The following RAB26 variants were observed in gnomAD, a reference collection of about 807,000 sequenced individuals.
RAB26 encodes ras-related protein Rab-26.
Under a neutral mutation model 33.1 loss-of-function variants are expected in RAB26, and 39 were observed. The observed-to-expected ratio is 1.18, with a 90% confidence interval of 0.91 to 1.54. The LOEUF (loss-of-function observed/expected upper bound fraction) is 1.54, where lower values mean the gene tolerates loss of function less well. Ranked by LOEUF, RAB26 falls within the 40% of genes most tolerant of loss-of-function variation. The pLI, the probability that RAB26 is intolerant of heterozygous loss-of-function variation, is 0.00. For missense variants in RAB26, 468 were observed against 362.9 expected (o/e 1.29, Z -2.35); for synonymous variants, 192 against 151.9 (o/e 1.26, Z -1.94).
At position 2,151,181 on chromosome 16, in the gene RAB26, C is replaced by G. The variant is rs1567239532; in HGVS notation, c.307-388C>G. 5 of 472,582 alleles carry G rather than the reference C, an allele frequency of 1.1e-5. No homozygotes were observed. In the Admixed American group the frequency reaches 1.2e-4, roughly 11 times the overall value. 29.3% of individuals were successfully genotyped at this position (472,582 alleles called of 1,614,324 possible). ...GGAGTGCAGTGGTGATCATGGTGGA[C>G]TGCAACCTCCAACTTCTGGGTTCAA... On this transcript the variant is annotated intron_variant, in intron 2 of 8. Coordinates refer to ENST00000210187, the MANE Select transcript of RAB26 (RefSeq NM_014353.5).
At chr16:2,153,249 C>T in intron 8 of RAB26, 27 bp downstream of exon 8, 2 of 1,613,514 alleles carry the variant, frequency 1.2e-6, no homozygotes, top group Non-Finnish European at 1.7e-6. Context: ...ACCAGGACTC[C>T]CCCAGCCCAG....
intron 2 of RAB26, among the ~76,000 whole-genome samples, chr16:2,150,936 C>T (rs957276887): frequency 1.2e-4 from 19 of 152,200 alleles, no homozygotes; most frequent in Non-Finnish European, 2.2e-4. Flanking sequence ...TGAAGCCCCC[C>T]GCCCCCACCC....
rs998278005 is a variant in RAB26 at position 2,148,659 on chromosome 16, G to A, written c.-125G>A. On this transcript the variant is annotated 5_prime_UTR_variant, in exon 1 of 9. Coordinates refer to ENST00000210187, the MANE Select transcript of RAB26 (RefSeq NM_014353.5). ...GGGCGCCCGGGATGATGCCGCCGCC[G>A]CCGCCGCCGCCGCCGCCGCCGCCAG... 2.3e-6 allele frequency: 2 copies of A among 855,230 alleles called. No individual in the cohort carries two copies. Among genetic ancestry groups the A allele is most frequent in the African/African-American group, 1.9e-5 (1 of 53,766 alleles). The allele number at this position is 855,230 out of a possible 1,614,324, so 53.0% of individuals were successfully genotyped here. A position where few individuals can be genotyped will look rare whatever the true frequency, so the allele number is the denominator to read the frequency against.
chr16:2,148,621 CG>C, upstream of RAB26: 1 of 304,664 alleles, frequency 3.3e-6, no homozygotes, highest in Non-Finnish European at 4.7e-6. Context: ...GCGGCGGGGG[CG>C]GGGCGCGAGC....
rs756125935 is a variant in RAB26, at chr16:2,149,303, CTTTTT to C, written c.195+343_195+347del. Among the ~76,000 whole-genome samples the C allele has an allele frequency of 9.1e-4, 106 of 116,022 alleles. 1 individual carries two copies. Among genetic ancestry groups the C allele is most frequent in the African/African-American group, 3.5e-3 (96 of 27,090 alleles). The allele number at this position is 116,022 out of a possible 152,430, so 76.1% of individuals were successfully genotyped here. A position where few individuals can be genotyped will look rare whatever the true frequency, so the allele number is the denominator to read the frequency against. On this transcript the variant is annotated intron_variant, in intron 1 of 8. Transcript: ENST00000210187. ...CTCCCTCAACCCAGCGGCTGTGGGC[CTTTTT>C]TTTTTTTTTTTTTTTTTGCTGGGGG...
intron 8 of RAB26, 25 bp downstream of exon 8, chr16:2,153,247 T>TCC: frequency 6.2e-7 from 1 of 1,613,520 alleles, no homozygotes; most frequent in Non-Finnish European, 8.5e-7. Flanking sequence ...TCACCAGGAC[T>TCC]CCCCCAGCCC....
At chr16:2,149,629 C>T (rs2092998102) in intron 1 of RAB26, among the ~76,000 whole-genome samples, 3 of 152,150 alleles carry the variant, frequency 2.0e-5, no homozygotes, top group Non-Finnish European at 1.5e-5. Context: ...TAGGAGGTAC[C>T]CAGCTGCCAC....
Position 2,153,576 on chromosome 16 carries a change from A to T in RAB26, c.*155A>T. 1.4e-6 allele frequency: 1 copy of T among 701,554 alleles called. No individual in the cohort carries two copies. 43.5% of individuals were successfully genotyped at this position (701,554 alleles called of 1,614,324 possible). On this transcript the variant is annotated 3_prime_UTR_variant, in exon 9 of 9. Coordinates refer to ENST00000210187, the MANE Select transcript of RAB26 (RefSeq NM_014353.5). ...TCAAGCCTTGTCCCTTCCTCCTCCC[A>T]GCAACAGTCCCAACAAGCAGGCTTC...
Position 2,148,682 on chromosome 16 carries a change from C to T in RAB26, c.-102C>T, listed in dbSNP as rs557441841. 1 of 1,095,404 alleles carries T rather than the reference C, an allele frequency of 9.1e-7. No individual in the cohort carries two copies. The highest frequency in any genetic ancestry group is 1.1e-6 in the Non-Finnish European group (1 of 879,478). 67.9% of individuals were successfully genotyped at this position (1,095,404 alleles called of 1,614,324 possible). A position where few individuals can be genotyped will look rare whatever the true frequency, so the allele number is the denominator to read the frequency against. Reference sequence around the variant, plus strand: ...CCGCCGCCGCCGCCGCCGCCGCCGCCAGGGGAAGGGTTCGGGTCCGGGTCG... The same window carrying T: ...CCGCCGCCGCCGCCGCCGCCGCCGCTAGGGGAAGGGTTCGGGTCCGGGTCG... On this transcript the variant is annotated 5_prime_UTR_variant, in exon 1 of 9. Coordinates refer to ENST00000210187, the MANE Select transcript of RAB26 (RefSeq NM_014353.5).
In RAB26 at chr16:2,148,748, C is replaced by A; in HGVS notation, c.-36C>A. The stretch of plus-strand genomic sequence containing the variant: ...GGGTGCGGGACGGCCCAGGGCACGG[C>A]GGCTGCAGCGGGAGCACACTGAGCG... On this transcript the variant is annotated 5_prime_UTR_variant, in exon 1 of 9. Transcript: ENST00000210187. The A allele has an allele frequency of 6.3e-6, 8 of 1,268,902 alleles. No homozygotes were observed. In the South Asian group the frequency reaches 2.0e-4, roughly 32 times the overall value. The allele number at this position is 1,268,902 out of a possible 1,614,324, so 78.6% of individuals were successfully genotyped here. A position where few individuals can be genotyped will look rare whatever the true frequency, so the allele number is the denominator to read the frequency against.
At chr16:2,152,354 G>A (rs1596658249) in intron 5 of RAB26, among the ~76,000 whole-genome samples, 1 of 152,242 alleles carries the variant, frequency 6.6e-6, no homozygotes, top group East Asian at 1.9e-4. Flanking sequence ...CTCCAGCCTG[G>A]ACAACAGAGC....
chr16:2,153,576 A>G lies in RAB26; in HGVS notation c.*155A>G, dbSNP rs2093014486. 2.9e-6 allele frequency: 2 copies of G among 701,554 alleles called. No individual in the cohort carries two copies. Among genetic ancestry groups the G allele is most frequent in the African/African-American group, 3.5e-5 (2 of 56,540 alleles). 43.5% of individuals were successfully genotyped at this position (701,554 alleles called of 1,614,324 possible). On this transcript the variant is annotated 3_prime_UTR_variant, in exon 9 of 9. Transcript: ENST00000210187. ...TCAAGCCTTGTCCCTTCCTCCTCCCAGCAACAGTCCCAACAAGCAGGCTTC... is the reference window on the plus strand; with the variant it reads ...TCAAGCCTTGTCCCTTCCTCCTCCCGGCAACAGTCCCAACAAGCAGGCTTC...
upstream of RAB26, chr16:2,148,592 G>C: frequency 4.9e-6 from 1 of 203,320 alleles, no homozygotes; most frequent in East Asian, 1.9e-4. Context: ...CCGGGCCTGA[G>C]TGGCTGCGCG....
At position 2,151,583 on chromosome 16, in the gene RAB26, C is replaced by T. The variant is rs200962346; in HGVS notation, c.321C>T (p.Asp107=). ...VGIDFRNKVL[D]VDGVKVKLQM... ...GTCTGTTTCAGAACAAAGTTCTGGA[C>T]GTGGATGGTGTGAAGGTGAAGCTGC... Residue 107 remains aspartate, a synonymous_variant, in exon 3 of 9, where the codon GAC becomes GAT. Transcript: ENST00000210187. 119 of 1,613,798 alleles carry T rather than the reference C, an allele frequency of 7.4e-5. 1 individual carries two copies. The South Asian group carries it at 1.0e-3, about 14-fold the overall frequency.
chr16:2,149,478 C>T (rs1341552701), intron 1 of RAB26, among the ~76,000 whole-genome samples: 3 of 152,082 alleles, frequency 2.0e-5, no homozygotes, highest in African/African-American at 4.8e-5. Flanking sequence ...CCACTTGCAC[C>T]TCCCCCCAAC....
chr16:2,149,809 G>A lies in RAB26; in HGVS notation c.196-132G>A, dbSNP rs969397486. 8.3e-5 allele frequency: 51 copies of A among 613,392 alleles called. 1 individual carries two copies. In the South Asian group the frequency reaches 1.2e-3, roughly 15 times the overall value. The allele number at this position is 613,392 out of a possible 1,614,324, so 38.0% of individuals were successfully genotyped here. On this transcript the variant is annotated intron_variant, in intron 1 of 8. Transcript: ENST00000210187. ...GCATACGCTGGGTGTCCAGCCCATC[G>A]GGGTCCCTGGCCCCGCTGAGCCTGC...
At chr16:2,152,485 C>T (rs2093008317) in intron 5 of RAB26, among the ~76,000 whole-genome samples, 1 of 152,108 alleles carries the variant, frequency 6.6e-6, no homozygotes, top group Non-Finnish European at 1.5e-5. Context: ...GCCTGATCAA[C>T]ATGGTGAAAC....
chr16:2,152,139 C>T (rs780684367), intron 5 of RAB26, among the ~76,000 whole-genome samples: 6 of 152,220 alleles, frequency 3.9e-5, no homozygotes, highest in South Asian at 2.1e-4. Flanking sequence ...ATGTGGTACA[C>T]GGGGGGTTAT....
rs1480648906 is a variant in RAB26, at chr16:2,148,829, G to A, written c.46G>A (p.Ala16Thr). 4.2e-6 allele frequency: 6 copies of A among 1,413,578 alleles called. No individual in the cohort carries two copies. The South Asian group carries it at 4.6e-5, about 11-fold the overall frequency. 87.6% of individuals were successfully genotyped at this position (1,413,578 alleles called of 1,614,324 possible). A position where few individuals can be genotyped will look rare whatever the true frequency, so the allele number is the denominator to read the frequency against. The change falls in exon 1 of 9, where the codon GCT (alanine) becomes ACT (threonine). Residue 16 changes from alanine (A) to threonine (T), a missense_variant. Coordinates refer to ENST00000210187, the MANE Select transcript of RAB26 (RefSeq NM_014353.5). ...CAAGAGCAAAGGGGCCAGCACCCCC[G>A]CTGCCTCCACGCTGCCCACCGCCAA... ...TPKSKGASTP[A>T]ASTLPTANGA... is the part of the protein sequence containing the mutation.
Sources: gnomAD v4.1 joint callset for allele counts (sites outside exome capture counted in the v4.1 genomes callset) on GRCh38, gnomAD v4.1.1 for gene constraint, MANE v1.5 for transcripts, NCBI Gene and HGNC (gene_info 2026-07-23, HGNC 2026-07-21) for gene names.